FBXO33: variants seen among roughly 807,000 people sequenced by gnomAD.
The protein encoded by FBXO33 is F-box protein 33, also known as F-box only protein 33.
A neutral mutation model predicts 46.3 loss-of-function variants in FBXO33; 22 were observed. The observed-to-expected ratio is 0.48, with a 90% CI of 0.34 to 0.68. FBXO33 has a LOEUF of 0.68. FBXO33 is among the 30% of genes least tolerant of loss of function. The pLI is 0.01. For synonymous variants in FBXO33, 337 were observed against 291.3 expected (o/e 1.16, Z -1.60); for missense variants, 692 against 708.8 (o/e 0.98, Z 0.27).
chr14:39,420,478 C>CAGG (rs1289674043), intron 1 of FBXO33, among the ~76,000 whole-genome samples: 19 of 152,180 alleles, frequency 1.2e-4, no homozygotes, highest in Admixed American at 7.9e-4. Flanking sequence ...ATCACGAGGT[C>CAGG]AGATCGAGAC....
intron 1 of FBXO33, among the ~76,000 whole-genome samples, chr14:39,414,696 C>G (rs527393827): frequency 6.6e-6 from 1 of 152,268 alleles, no homozygotes; most frequent in Middle Eastern, 3.4e-3. Flanking sequence ...GGGTCTTGCT[C>G]TGTTGCCCAG....
chr14:39,412,606 C>T (rs2139409689), intron 1 of FBXO33, among the ~76,000 whole-genome samples: 1 of 141,390 alleles, frequency 7.1e-6, no homozygotes, highest in African/African-American at 2.6e-5. Flanking sequence ...TTTTTCATTC[C>T]TTTCTTCTCT....
chr14:39,432,027 G>A lies in FBXO33; in HGVS notation c.136C>T (p.Arg46Trp). 1 of 1,404,688 alleles carries A rather than the reference G, an allele frequency of 7.1e-7. No homozygotes were observed. Among genetic ancestry groups the A allele is most frequent in the Non-Finnish European group, 9.2e-7 (1 of 1,089,934 alleles). 87.0% of individuals were successfully genotyped at this position (1,404,688 alleles called of 1,614,324 possible). The change falls in exon 1 of 4, where the codon CGG (arginine) becomes TGG (tryptophan). Residue 46 changes from arginine (R) to tryptophan (W), a missense_variant. Physicochemically the swap from Arg to Trp is moderately radical, Grantham distance 101. Around this residue, in one of 3 missense-constraint regions of FBXO33, gnomAD observed 412 missense variants for 370.8 expected, o/e 1.11. Transcript: ENST00000298097. Reference protein sequence around the residue: ...RRLRGLLRVLRGRPGAGSRRR... With the variant: ...RRLRGLLRVLWGRPGAGSRRR... ...CGGCTGCCGGCTCCCGGCCGCCCCCGCAGTACCCGGAGCAGCCCCCGCAGC... is the reference window on the plus strand; with the variant it reads ...CGGCTGCCGGCTCCCGGCCGCCCCCACAGTACCCGGAGCAGCCCCCGCAGC...
At position 39,432,260 on chromosome 14, in the gene FBXO33, C is replaced by G. The variant is rs1036309842; in HGVS notation, c.-98G>C. 3 of 1,044,634 alleles carry G rather than the reference C, an allele frequency of 2.9e-6. No individual in the cohort carries two copies. In the South Asian group the frequency reaches 1.4e-4, roughly 50 times the overall value. 64.7% of individuals were successfully genotyped at this position (1,044,634 alleles called of 1,614,324 possible). A position where few individuals can be genotyped will look rare whatever the true frequency, so the allele number is the denominator to read the frequency against. On this transcript the variant is annotated 5_prime_UTR_variant, in exon 1 of 4. Transcript: ENST00000298097. ...GGGGGAAAGGCCTCTGCGGGCGTGG[C>G]CTGCCGGGAGCCAGCCTCTGTCTTC...
chr14:39,426,396 T>C (rs976666240), intron 1 of FBXO33, among the ~76,000 whole-genome samples: 2 of 152,160 alleles, frequency 1.3e-5, no homozygotes, highest in African/African-American at 4.8e-5. Context: ...CAGTAAAAGC[T>C]TCCCAACTTG....
At chr14:39,421,996 G>A (rs1014881118) in intron 1 of FBXO33, among the ~76,000 whole-genome samples, 2 of 152,192 alleles carry the variant, frequency 1.3e-5, no homozygotes, top group Non-Finnish European at 2.9e-5. Flanking sequence ...AGTGGCTGAC[G>A]CCTGTAATCC....
At chr14:39,407,698 T>G (rs1383111785) in intron 1 of FBXO33, among the ~76,000 whole-genome samples, 7 of 152,240 alleles carry the variant, frequency 4.6e-5, no homozygotes, top group Non-Finnish European at 7.3e-5. Context: ...ATGCATCTTT[T>G]GATGGACATT....
At chr14:39,403,089 C>T (rs895871703) in intron 1 of FBXO33, among the ~76,000 whole-genome samples, 2 of 152,126 alleles carry the variant, frequency 1.3e-5, no homozygotes, top group Non-Finnish European at 2.9e-5. Flanking sequence ...TGATATATGA[C>T]AAACTATGTA....
intron 1 of FBXO33, among the ~76,000 whole-genome samples, chr14:39,426,955 C>T (rs970114044): frequency 2.0e-5 from 3 of 152,178 alleles, no homozygotes; most frequent in Non-Finnish European, 4.4e-5. Flanking sequence ...TCCGTGAGAA[C>T]GGGAAGCATG....
Position 39,401,749 on chromosome 14 carries a change from C to T in FBXO33, c.823G>A (p.Ala275Thr), listed in dbSNP as rs778790009. ...AGGTGCTCCATGGTGTTGGCAACAGCATTAGAGAGAGATGACAGTGATGTT... is the reference window on the plus strand; with the variant it reads ...AGGTGCTCCATGGTGTTGGCAACAGTATTAGAGAGAGATGACAGTGATGTT... ...TPTSLSSLSN[A>T]VANTMEHLSL... is the part of the protein sequence containing the mutation. Residue 275 changes from alanine (A) to threonine (T), a missense_variant, in exon 3 of 4, where the codon GCT becomes ACT. Transcript: ENST00000298097. 2 of 1,614,176 alleles carry T rather than the reference C, an allele frequency of 1.2e-6. No homozygotes were observed. The highest frequency in any genetic ancestry group is 1.7e-6 in the Non-Finnish European group (2 of 1,180,032).
chr14:39,402,869 G>A (rs2075375437), intron 1 of FBXO33, among the ~76,000 whole-genome samples: 1 of 151,970 alleles, frequency 6.6e-6, no homozygotes, highest in African/African-American at 2.4e-5. Flanking sequence ...ATTTTTAGTA[G>A]AGATGGGGTT....
chr14:39,431,029 A>ACTC (rs936408975), intron 1 of FBXO33, among the ~76,000 whole-genome samples: 3 of 150,980 alleles, frequency 2.0e-5, no homozygotes, highest in African/African-American at 7.3e-5. Context: ...TTTAACAAAC[A>ACTC]CTCCTCCTCC....
chr14:39,413,231 G>A (rs530565582), intron 1 of FBXO33, among the ~76,000 whole-genome samples: 4 of 152,356 alleles, frequency 2.6e-5, no homozygotes, highest in Admixed American at 1.3e-4. Flanking sequence ...AACATTCACA[G>A]CATCTTCATT....
At chr14:39,408,766 C>T (rs562214027) in intron 1 of FBXO33, among the ~76,000 whole-genome samples, 54 of 151,894 alleles carry the variant, frequency 3.6e-4, no homozygotes, top group African/African-American at 1.2e-3. Context: ...GCCTCAGCCT[C>T]CTTACTTTTA....
intron 1 of FBXO33, among the ~76,000 whole-genome samples, chr14:39,414,262 C>T (rs1175509374): frequency 6.6e-6 from 1 of 152,204 alleles, no homozygotes; most frequent in African/African-American, 2.4e-5. Context: ...TAGCTTCAAG[C>T]TTTTTCTCCT....
intron 1 of FBXO33, among the ~76,000 whole-genome samples, chr14:39,402,745 C>T (rs1290927313): frequency 1.4e-5 from 2 of 145,060 alleles, no homozygotes; most frequent in African/African-American, 2.6e-5. Context: ...GGCAGTAGCG[C>T]GATCCCGGTT....
chr14:39,428,493 C>T (rs149273650), intron 1 of FBXO33, among the ~76,000 whole-genome samples: 9 of 152,206 alleles, frequency 5.9e-5, no homozygotes, highest in Non-Finnish European at 1.0e-4. Context: ...TGAGCCACCA[C>T]CCCTGGCCAA....
Position 39,402,516 on chromosome 14 carries a change from A to G in FBXO33, c.600-5T>C, listed in dbSNP as rs1595981698. On this transcript the variant is annotated splice_region_variant and splice_polypyrimidine_tract_variant and intron_variant, in intron 1 of 3. Transcript: ENST00000298097. ...AGACTAAACTTCTGAAGGTTCCTACAAGAACAATCATTTAAAATGATTTGC... is the reference window on the plus strand; with the variant it reads ...AGACTAAACTTCTGAAGGTTCCTACGAGAACAATCATTTAAAATGATTTGC... 4 of 1,413,436 alleles carry G rather than the reference A, an allele frequency of 2.8e-6. No individual in the cohort carries two copies. Among genetic ancestry groups the G allele is most frequent in the Non-Finnish European group, 2.8e-6 (3 of 1,058,024 alleles). 87.6% of individuals were successfully genotyped at this position (1,413,436 alleles called of 1,614,324 possible).
intron 1 of FBXO33, among the ~76,000 whole-genome samples, chr14:39,425,860 A>T (rs1197417409): frequency 6.6e-6 from 1 of 152,228 alleles, no homozygotes; most frequent in East Asian, 1.9e-4. Context: ...TTAAAATTTA[A>T]ATAGCTATCT....
Sources: gnomAD v4.1 joint callset for allele counts (sites outside exome capture counted in the v4.1 genomes callset) on GRCh38, gnomAD v4.1.1 for gene constraint, gnomAD v4.1.1 regional missense constraint, MANE v1.5 for transcripts, NCBI Gene and HGNC (gene_info 2026-07-23, HGNC 2026-07-21) for gene names.